The following POLN variants were observed in gnomAD, a reference collection of about 807,000 sequenced individuals.
POLN encodes the protein DNA polymerase N.
A neutral mutation model predicts 113.5 loss-of-function variants in POLN; 108 were observed. The observed-to-expected ratio is 0.95, with a 90% confidence interval of 0.81 to 1.12. The LOEUF is 1.12. Among genes scored for constraint, POLN ranks in the 50% most tolerant of loss-of-function variants. The pLI, the probability that POLN is intolerant of heterozygous loss-of-function variation, is 0.00. For synonymous variants in POLN, 386 were observed against 391.5 expected (o/e 0.99, Z 0.17); for missense variants, 1,097 against 1,077.1 (o/e 1.02, Z -0.26).
rs1478353747 is a variant in POLN, at chr4:2,093,260, G to A, written c.2065+2591C>T. ...TCCCTCCCTCCTAGCTGGATTTGGGGTGGCTGCCCCCACTGGGGACAAGGC... is the reference window on the plus strand; with the variant it reads ...TCCCTCCCTCCTAGCTGGATTTGGGATGGCTGCCCCCACTGGGGACAAGGC... On this transcript the variant is annotated intron_variant, in intron 20 of 25. Coordinates refer to ENST00000511885, the MANE Select transcript of POLN (RefSeq NM_181808.4). This position sits in a 1 kb window ranked among gnomAD's most constrained non-coding sequence, Gnocchi z 4.1. Among the ~76,000 whole-genome samples, 2 of 152,192 alleles carry A rather than the reference G, an allele frequency of 1.3e-5. No individual in the cohort carries two copies. The highest frequency in any genetic ancestry group is 2.9e-5 in the Non-Finnish European group (2 of 68,040).
chr4:2,187,025 A>C (rs989313575), intron 7 of POLN, among the ~76,000 whole-genome samples: 1 of 152,236 alleles, frequency 6.6e-6, no homozygotes, highest in Non-Finnish European at 1.5e-5. Flanking sequence ...CAGAGAAAAC[A>C]ATCAGTGGGT....
At chr4:2,116,105 G>A (rs1731311441) in intron 19 of POLN, among the ~76,000 whole-genome samples, 1 of 152,098 alleles carries the variant, frequency 6.6e-6, no homozygotes, top group South Asian at 2.1e-4. Flanking sequence ...GCAGCTGAAG[G>A]TCTGAAATAC....
At chr4:2,105,435 T>C (rs1407757362) in intron 19 of POLN, among the ~76,000 whole-genome samples, 2 of 152,136 alleles carry the variant, frequency 1.3e-5, no homozygotes, top group Admixed American at 6.5e-5. Context: ...GGCACATCTG[T>C]TTCTCTCTGC....
At chr4:2,108,139 T>C (rs1731112308) in intron 19 of POLN, among the ~76,000 whole-genome samples, 1 of 152,178 alleles carries the variant, frequency 6.6e-6, no homozygotes, top group Non-Finnish European at 1.5e-5. Flanking sequence ...GTCCCTTCTC[T>C]TTCCGGCCAG....
At chr4:2,086,785 G>C (rs1730561171) in intron 20 of POLN, among the ~76,000 whole-genome samples, 2 of 152,196 alleles carry the variant, frequency 1.3e-5, no homozygotes, top group South Asian at 4.1e-4. Context: ...GCCGGGACCA[G>C]CAGTGGTCTT....
chr4:2,143,026 AT>A (rs373285047), intron 16 of POLN, among the ~76,000 whole-genome samples: 17 of 151,320 alleles, frequency 1.1e-4, no homozygotes, highest in African/African-American at 3.2e-4. Flanking sequence ...CTCTGATGCA[AT>A]TTTTTTTTGG....
chr4:2,237,961 CT>C (rs374750110), intron 2 of POLN, among the ~76,000 whole-genome samples: 23 of 152,114 alleles, frequency 1.5e-4, no homozygotes, highest in African/African-American at 5.3e-4. Flanking sequence ...GTGGTACCCC[CT>C]GAAATTGTGC....
intron 21 of POLN, among the ~76,000 whole-genome samples, chr4:2,082,345 T>C (rs1730441327): frequency 3.3e-5 from 5 of 152,086 alleles, no homozygotes. Context: ...TGCAAAGCCA[T>C]GTGGAGGCCT....
chr4:2,221,597 AAC>A (rs1734254377), intron 3 of POLN, among the ~76,000 whole-genome samples: 1 of 152,104 alleles, frequency 6.6e-6, no homozygotes, highest in African/African-American at 2.4e-5. Flanking sequence ...TTGTTTTTGA[AAC>A]AGAGTCTCAT....
chr4:2,079,172 T>TCCACC, intron 23 of POLN: 2 of 180,206 alleles, frequency 1.1e-5, no homozygotes, highest in Non-Finnish European at 2.1e-5. Context: ...GCTCAAGTGA[T>TCCACC]CCACCCGACT....
chr4:2,132,355 A>G (rs959104975), intron 16 of POLN, among the ~76,000 whole-genome samples: 1 of 152,226 alleles, frequency 6.6e-6, no homozygotes, highest in Non-Finnish European at 1.5e-5. Flanking sequence ...CTAATATCAA[A>G]ATACAATATC....
chr4:2,236,410 G>A (rs748539093), intron 2 of POLN: 63 of 1,613,458 alleles, frequency 3.9e-5, no homozygotes, highest in Non-Finnish European at 5.1e-5. Context: ...CCATGAGTTA[G>A]AAACAATTCT....
chr4:2,171,247 T>C, intron 11 of POLN, 66 bp from the exon 12 acceptor site: 2 of 1,471,332 alleles, frequency 1.4e-6, no homozygotes, highest in Non-Finnish European at 1.9e-6. Flanking sequence ...GTTTAATTTG[T>C]TCATCAAACA....
At chr4:2,220,241 G>A (rs1016009974) in intron 3 of POLN, among the ~76,000 whole-genome samples, 3 of 152,164 alleles carry the variant, frequency 2.0e-5, no homozygotes, top group African/African-American at 7.2e-5. Flanking sequence ...GGCCTCTGCT[G>A]TGCTTTGCTT....
intron 19 of POLN, among the ~76,000 whole-genome samples, chr4:2,102,024 C>G (rs1166873832): frequency 6.6e-6 from 1 of 152,064 alleles, no homozygotes; most frequent in Non-Finnish European, 1.5e-5. Flanking sequence ...ACACAAGTTC[C>G]CCACTCTCCA....
chr4:2,228,786 G>C, intron 3 of POLN: 1 of 260,276 alleles, frequency 3.8e-6, no homozygotes, highest in South Asian at 6.1e-5. Flanking sequence ...CAAATACTAT[G>C]TACAGGTTTG....
intron 3 of POLN, among the ~76,000 whole-genome samples, chr4:2,216,533 T>C (rs775918883): frequency 6.6e-6 from 1 of 152,228 alleles, no homozygotes; most frequent in Non-Finnish European, 1.5e-5. Flanking sequence ...TCCATCAGGC[T>C]GGCAGCTTCT....
intron 16 of POLN, among the ~76,000 whole-genome samples, chr4:2,154,710 C>A (rs1262082190): frequency 6.6e-6 from 1 of 152,102 alleles, no homozygotes; most frequent in Non-Finnish European, 1.5e-5. Context: ...TATGGTATTG[C>A]TATTGAAGTT....
At chr4:2,105,517 G>A (rs1731043723) in intron 19 of POLN, among the ~76,000 whole-genome samples, 1 of 152,136 alleles carries the variant, frequency 6.6e-6, no homozygotes, top group Non-Finnish European at 1.5e-5. Flanking sequence ...AAAGAGATCA[G>A]GAGAGGGATT....
Sources: allele counts gnomAD v4.1 joint callset (sites outside exome capture counted in the v4.1 genomes callset), GRCh38; gene constraint gnomAD v4.1.1; non-coding constraint Gnocchi (gnomAD v3.1); transcripts MANE v1.5; gene names NCBI Gene and HGNC (gene_info 2026-07-23, HGNC 2026-07-21).